The following NTN4 variants were observed in gnomAD, a reference collection of about 807,000 sequenced individuals.
NTN4 encodes the protein netrin 4.
In NTN4, 32 loss-of-function variants were observed where a neutral mutation model predicts 73.6. The observed-to-expected ratio is 0.44, with a 90% confidence interval of 0.33 to 0.58. The LOEUF (loss-of-function observed/expected upper bound fraction) is 0.58. Ranked by LOEUF, NTN4 falls within the 20% of genes least tolerant of loss-of-function variation. NTN4 has a pLI of 0.04. For synonymous variants in NTN4, 258 were observed against 287.5 expected (o/e 0.90, Z 1.04); for missense variants, 654 against 798.3 (o/e 0.82, Z 2.18).
chr12:95,688,268 T>A (rs913609746), intron 5 of NTN4, among the ~76,000 whole-genome samples: 1 of 152,122 alleles, frequency 6.6e-6, no homozygotes, highest in Non-Finnish European at 1.5e-5. Flanking sequence ...TATGAAAAAC[T>A]TATTTTTTAA....
At chr12:95,726,282 C>G (rs2078693402) in intron 3 of NTN4, among the ~76,000 whole-genome samples, 1 of 152,176 alleles carries the variant, frequency 6.6e-6, no homozygotes, top group South Asian at 2.1e-4. Flanking sequence ...CTCATTCCCC[C>G]TTAATTGCTG....
At chr12:95,771,482 A>G (rs529459503) in intron 2 of NTN4, among the ~76,000 whole-genome samples, 32 of 152,340 alleles carry the variant, frequency 2.1e-4, no homozygotes, top group Admixed American at 9.1e-4. Context: ...TGAAATTGTG[A>G]AAGTATAAAC....
At chr12:95,699,276 C>T (rs368060695) in intron 5 of NTN4, among the ~76,000 whole-genome samples, 1 of 152,134 alleles carries the variant, frequency 6.6e-6, no homozygotes, top group South Asian at 2.1e-4. Context: ...ACCTCAATAA[C>T]CTTTGGGAAG....
At chr12:95,748,918 C>T (rs1017687935) in intron 2 of NTN4, among the ~76,000 whole-genome samples, 3 of 152,210 alleles carry the variant, frequency 2.0e-5, no homozygotes, top group Non-Finnish European at 2.9e-5. Flanking sequence ...TGCACATATA[C>T]GCCCAGATGG....
At chr12:95,750,647 C>T (rs572862387) in intron 2 of NTN4, among the ~76,000 whole-genome samples, 14 of 152,266 alleles carry the variant, frequency 9.2e-5, no homozygotes, top group Admixed American at 2.0e-4. Context: ...CAGTGCAACT[C>T]GTCCCAAATC....
intron 5 of NTN4, among the ~76,000 whole-genome samples, chr12:95,694,492 A>G (rs980449253): frequency 6.6e-6 from 1 of 152,196 alleles, no homozygotes; most frequent in African/African-American, 2.4e-5. Flanking sequence ...GGGGGACTTA[A>G]GGGAGATGAT....
At chr12:95,715,452 G>T (rs1329180786) in intron 3 of NTN4, among the ~76,000 whole-genome samples, 3 of 151,922 alleles carry the variant, frequency 2.0e-5, no homozygotes, top group Non-Finnish European at 2.9e-5. Flanking sequence ...CAATTCACTG[G>T]TTTTGGTCTT....
At chr12:95,672,188 G>C in intron 7 of NTN4, 1 of 533,218 alleles carries the variant, frequency 1.9e-6, no homozygotes, top group Non-Finnish European at 3.4e-6. Flanking sequence ...GAGCACGCAG[G>C]CGCAATGGTC....
intron 5 of NTN4, among the ~76,000 whole-genome samples, chr12:95,706,202 G>A (rs2078520798): frequency 6.6e-6 from 1 of 152,096 alleles, no homozygotes; most frequent in Non-Finnish European, 1.5e-5. Context: ...CTGAAGCTAT[G>A]AGTATTCTAG....
intron 7 of NTN4, chr12:95,672,598 C>T (rs1186981925): frequency 2.1e-5 from 32 of 1,527,014 alleles, no homozygotes; most frequent in East Asian, 1.1e-4. Flanking sequence ...TGACCGATCT[C>T]GGTAAAGCAG....
chr12:95,775,668 A>G lies in NTN4; in HGVS notation c.585+11271T>C, dbSNP rs374189204. On this transcript the variant is annotated intron_variant, in intron 2 of 9. Transcript: ENST00000343702. ...CGCTATTGCTGAGGCTTGAGTAGGT[A>G]AACAAAGCAGCTGGGAAGCTTGAAC... Among the ~76,000 whole-genome samples, 91 of 152,348 alleles carry G rather than the reference A, an allele frequency of 6.0e-4. 2 individuals are homozygous for G. In the South Asian group the frequency reaches 0.012, roughly 19 times the overall value.
At chr12:95,684,635 T>G (rs2078347793) in intron 5 of NTN4, among the ~76,000 whole-genome samples, 1 of 151,986 alleles carries the variant, frequency 6.6e-6, no homozygotes, top group Non-Finnish European at 1.5e-5. Flanking sequence ...TCAAAAGTCC[T>G]TCTCCTCAGC....
Position 95,659,225 on chromosome 12 carries a change from A to G in NTN4, c.1751-3T>C. Reference sequence around the variant, plus strand: ...TCCTGCTACAAGGTATTCCAAACCTAAAAAAGAACAAAATTAGGGGCTATA... The same window carrying G: ...TCCTGCTACAAGGTATTCCAAACCTGAAAAAGAACAAAATTAGGGGCTATA... On this transcript the variant is annotated splice_region_variant and splice_polypyrimidine_tract_variant and intron_variant, in intron 9 of 9. Coordinates refer to ENST00000343702, the MANE Select transcript of NTN4 (RefSeq NM_021229.4). 3 of 1,605,964 alleles carry G rather than the reference A, an allele frequency of 1.9e-6. No individual in the cohort carries two copies. The highest frequency in any genetic ancestry group is 2.5e-6 in the Non-Finnish European group (3 of 1,176,854).
chr12:95,666,211 G>A (rs548009625), intron 8 of NTN4, among the ~76,000 whole-genome samples: 1 of 152,232 alleles, frequency 6.6e-6, no homozygotes, highest in African/African-American at 2.4e-5. Flanking sequence ...ATTTGTAAGT[G>A]GGAGCTAAGC....
intron 5 of NTN4, among the ~76,000 whole-genome samples, chr12:95,686,621 G>A (rs548248763): frequency 1.6e-4 from 25 of 152,186 alleles, no homozygotes; most frequent in African/African-American, 5.3e-4. Context: ...AGCCGGGCGT[G>A]ATGGTGCACG....
At chr12:95,728,364 C>T (rs896553730) in intron 3 of NTN4, among the ~76,000 whole-genome samples, 1 of 152,080 alleles carries the variant, frequency 6.6e-6, no homozygotes, top group Non-Finnish European at 1.5e-5. Context: ...TTGTCTGATT[C>T]CTGATCATGG....
chr12:95,701,810 A>G (rs2078486936), intron 5 of NTN4, among the ~76,000 whole-genome samples: 1 of 152,210 alleles, frequency 6.6e-6, no homozygotes. Flanking sequence ...CCTGGCAGGA[A>G]ACTAGCTACC....
intron 2 of NTN4, among the ~76,000 whole-genome samples, chr12:95,773,368 A>G (rs1264773716): frequency 6.6e-6 from 1 of 152,230 alleles, no homozygotes; most frequent in Non-Finnish European, 1.5e-5. Flanking sequence ...CCTGAATAAC[A>G]TATGGTTCAA....
chr12:95,722,174 A>T (rs1266317924), intron 3 of NTN4, among the ~76,000 whole-genome samples: 2 of 151,736 alleles, frequency 1.3e-5, no homozygotes, highest in African/African-American at 2.4e-5. Flanking sequence ...TAAAAATTAG[A>T]TGATTAGCCA....
Sources: gnomAD v4.1 joint callset for allele counts (sites outside exome capture counted in the v4.1 genomes callset) on GRCh38, gnomAD v4.1.1 for gene constraint, MANE v1.5 for transcripts, NCBI Gene and HGNC (gene_info 2026-07-23, HGNC 2026-07-21) for gene names.